The following EPB41 variants were observed in gnomAD, a reference collection of about 807,000 sequenced individuals.
EPB41 encodes the protein protein 4.1.
EPB41 carries 65 observed loss-of-function variants against 108.0 expected under a neutral mutation model. The ratio of observed to expected loss-of-function variants is 0.60; its 90% CI spans 0.49 to 0.74. EPB41 has a LOEUF of 0.74. Among genes scored for constraint, EPB41 ranks in the 30% least tolerant of loss-of-function variants. The probability of loss-of-function intolerance (pLI) is 0.00; values close to 1 mark genes in which losing one functional copy is unlikely to be tolerated. For synonymous variants in EPB41, 336 were observed against 358.9 expected (o/e 0.94, Z 0.72); for missense variants, 875 against 1,037.0 (o/e 0.84, Z 2.15).
rs1375616081 is a variant in EPB41 at position 29,064,988 on chromosome 1, G to GACA, written c.2016_2018dup (p.Asp672_Lys673insAsn). On this transcript the variant is annotated inframe_insertion, in exon 16 of 21. Coordinates refer to ENST00000343067, the MANE Select transcript of EPB41 (RefSeq NM_001376013.1). ...TTTGTCCTTTCAACTGTAGGATTTAGACAAGAGTCAAGAGGAGATCAAAAA... is the reference window on the plus strand; with the variant it reads ...TTTGTCCTTTCAACTGTAGGATTTAGACAACAAGAGTCAAGAGGAGATCAAAAA... The GACA allele has an allele frequency of 6.2e-7, 1 of 1,613,958 alleles. No homozygotes were observed. Among genetic ancestry groups the GACA allele is most frequent in the Admixed American group, 1.7e-5 (1 of 60,010 alleles).
chr1:29,087,479 C>T (rs1486112601), intron 16 of EPB41, among the ~76,000 whole-genome samples: 1 of 152,118 alleles, frequency 6.6e-6, no homozygotes. Context: ...TCTCCTGCCT[C>T]AGCCTCCCGA....
chr1:28,905,973 A>G (rs2091792292), intron 1 of EPB41, among the ~76,000 whole-genome samples: 1 of 151,628 alleles, frequency 6.6e-6, no homozygotes, highest in Non-Finnish European at 1.5e-5. Flanking sequence ...GCCCACCACC[A>G]TGCCTGGCTA....
At chr1:29,105,266 C>T (rs2151604140) in intron 17 of EPB41, among the ~76,000 whole-genome samples, 1 of 152,258 alleles carries the variant, frequency 6.6e-6, no homozygotes, top group South Asian at 2.1e-4. Context: ...TGGAGTCTCA[C>T]TCTTGTCATC....
intron 1 of EPB41, among the ~76,000 whole-genome samples, chr1:28,921,757 G>A (rs1284203776): frequency 2.0e-5 from 3 of 151,522 alleles, no homozygotes; most frequent in African/African-American, 7.3e-5. Context: ...TGTCTTTAGA[G>A]TAATTTCTTT....
Position 29,115,844 on chromosome 1 carries a change from C to A in EPB41, c.*6+41C>A. ...GCTGGGGCTGAGGGTGCCCACAGTC[C>A]CAGCCTGAGAGGGCTCTGGATGGGA... On this transcript the variant is annotated intron_variant, in intron 20 of 20. Coordinates refer to ENST00000343067, the MANE Select transcript of EPB41 (RefSeq NM_001376013.1). This position sits in a 1 kb window ranked among gnomAD's most constrained non-coding sequence, Gnocchi z 4.4. 1 of 1,512,458 alleles carries A rather than the reference C, an allele frequency of 6.6e-7. No individual in the cohort carries two copies. The allele number at this position is 1,512,458 out of a possible 1,614,324, so 93.7% of individuals were successfully genotyped here. A position where few individuals can be genotyped will look rare whatever the true frequency, so the allele number is the denominator to read the frequency against.
intron 16 of EPB41, among the ~76,000 whole-genome samples, chr1:29,086,077 T>C (rs2151324005): frequency 6.6e-6 from 1 of 152,290 alleles, no homozygotes; most frequent in African/African-American, 2.4e-5. Flanking sequence ...TTTACTAGAC[T>C]CTTCAGGTTT....
chr1:28,913,579 T>C (rs1357267039), upstream of EPB41, among the ~76,000 whole-genome samples: 1 of 152,252 alleles, frequency 6.6e-6, no homozygotes, highest in African/African-American at 2.4e-5. Flanking sequence ...CAGGAATGTC[T>C]AGCTGGCATC....
intron 8 of EPB41, among the ~76,000 whole-genome samples, chr1:29,032,727 A>G (rs923099931): frequency 6.6e-6 from 1 of 152,138 alleles, no homozygotes; most frequent in Admixed American, 6.6e-5. Flanking sequence ...TTTTTAATTT[A>G]ATATACTTAA....
chr1:29,079,773 T>A (rs1424072239), intron 16 of EPB41, among the ~76,000 whole-genome samples: 2 of 152,118 alleles, frequency 1.3e-5, no homozygotes, highest in Non-Finnish European at 2.9e-5. Flanking sequence ...GGTGGGAGGA[T>A]CACCTGAGGT....
rs769129156 is a variant in EPB41 at position 29,097,853 on chromosome 1, A to G, written c.2231A>G (p.Asn744Ser). The G allele has an allele frequency of 2.0e-5, 33 of 1,613,878 alleles. No individual in the cohort carries two copies. The Admixed American group carries it at 2.8e-4, about 14-fold the overall frequency. Residue 744 changes from asparagine to serine, a missense_variant, in exon 17 of 21, where the codon AAT becomes AGT. Physicochemically the swap from Asn to Ser is conservative, Grantham distance 46. This residue lies in a region of EPB41 where 519 missense variants were observed against 627.3 expected (regional missense o/e 0.83). Transcript: ENST00000343067. ...ACTGTCACCATCTCAGATAATGCCAATGCTGTGAAAAGTGAAATCCCAACC... is the reference window on the plus strand; with the variant it reads ...ACTGTCACCATCTCAGATAATGCCAGTGCTGTGAAAAGTGAAATCCCAACC... ...TQTVTISDNA[N>S]AVKSEIPTKD...
Position 29,119,576 on chromosome 1 carries a change from G to A in EPB41, c.*2764G>A, listed in dbSNP as rs973197337. On this transcript the variant is annotated 3_prime_UTR_variant, in exon 21 of 21. Transcript: ENST00000343067. ...ACTGCGGGACCCGTCAGGGCCCCGT[G>A]ACCCATCCCCGTCCCCACCCCCCCC... 1.4e-4 allele frequency: 22 copies of A among 152,232 alleles called. No individual in the cohort carries two copies. The highest frequency in any genetic ancestry group is 5.3e-4 in the African/African-American group (22 of 41,436). The allele number at this position is 152,232 out of a possible 1,614,324, so 9.4% of individuals were successfully genotyped here.
At chr1:29,097,730 A>T in intron 16 of EPB41, 77 bp from the exon 17 acceptor site, 1 of 1,526,644 alleles carries the variant, frequency 6.6e-7, no homozygotes, top group East Asian at 2.3e-5. Context: ...TAACACTTTG[A>T]TCAGATCAGT....
At chr1:28,897,981 G>A (rs914872373) in intron 1 of EPB41, among the ~76,000 whole-genome samples, 11 of 152,074 alleles carry the variant, frequency 7.2e-5, no homozygotes, top group African/African-American at 2.7e-4. Flanking sequence ...AGCTAGGTTG[G>A]GCTTTGAAGG....
chr1:28,946,004 C>G (rs747963064), intron 1 of EPB41, among the ~76,000 whole-genome samples: 2 of 152,054 alleles, frequency 1.3e-5, no homozygotes, highest in Non-Finnish European at 2.9e-5. Context: ...GGAAATTCAT[C>G]TTTGAAAAAA....
intron 16 of EPB41, among the ~76,000 whole-genome samples, chr1:29,074,499 C>T (rs1211977470): frequency 6.6e-6 from 1 of 152,142 alleles, no homozygotes; most frequent in Non-Finnish European, 1.5e-5. Flanking sequence ...ATTTCTGAAG[C>T]TGTTACTCCT....
chr1:28,965,464 CTG>C (rs1329075301), intron 1 of EPB41, among the ~76,000 whole-genome samples: 7 of 152,002 alleles, frequency 4.6e-5, no homozygotes, highest in African/African-American at 1.7e-4. Context: ...AGTCTGGAGA[CTG>C]TATCAAAGAG....
At chr1:29,034,973 G>GTTTTT (rs10580931) in intron 9 of EPB41, among the ~76,000 whole-genome samples, 14 of 87,190 alleles carry the variant, frequency 1.6e-4, no homozygotes, top group East Asian at 4.5e-4. Flanking sequence ...TTTGTTTGTT[G>GTTTTT]TTTTTTTTTT....
chr1:28,958,726 G>A (rs1252887276), intron 1 of EPB41, among the ~76,000 whole-genome samples: 2 of 150,100 alleles, frequency 1.3e-5, no homozygotes, highest in Admixed American at 1.3e-4. Flanking sequence ...GGCTGAGGTG[G>A]GAGGATTGCT....
intron 16 of EPB41, among the ~76,000 whole-genome samples, chr1:29,081,674 A>G (rs1656693301): frequency 6.6e-6 from 1 of 152,098 alleles, no homozygotes; most frequent in African/African-American, 2.4e-5. Context: ...TGTCTCTACT[A>G]AAAATACAAA....
Sources: gnomAD v4.1 joint callset for allele counts (sites outside exome capture counted in the v4.1 genomes callset) on GRCh38, gnomAD v4.1.1 for gene constraint, gnomAD v4.1.1 regional missense constraint, Gnocchi (gnomAD v3.1) non-coding constraint, MANE v1.5 for transcripts, NCBI Gene and HGNC (gene_info 2026-07-23, HGNC 2026-07-21) for gene names.